GABRB1: variants seen among roughly 807,000 people sequenced by gnomAD.
GABRB1 encodes gamma-aminobutyric acid receptor subunit beta-1.
GABRB1 carries 17 observed loss-of-function variants against 51.6 expected under a neutral mutation model. That is an observed-to-expected ratio of 0.33 (90% confidence interval 0.23 to 0.49). The LOEUF is 0.49. Ranked by LOEUF, GABRB1 falls within the 20% of genes least tolerant of loss-of-function variation. The pLI, the probability that GABRB1 is intolerant of heterozygous loss-of-function variation, is 0.99. For missense variants in GABRB1, 410 were observed against 600.6 expected (o/e 0.68, Z 3.32); for synonymous variants, 247 against 218.9 (o/e 1.13, Z -1.14).
At chr4:47,160,974 G>A (rs1302782886) in intron 3 of GABRB1, among the ~76,000 whole-genome samples, 2 of 151,588 alleles carry the variant, frequency 1.3e-5, no homozygotes, top group Non-Finnish European at 2.9e-5. Context: ...ATTATTTTTT[G>A]TAGAGATGAG....
chr4:47,253,996 C>A (rs1056810187), intron 4 of GABRB1, among the ~76,000 whole-genome samples: 1 of 152,056 alleles, frequency 6.6e-6, no homozygotes, highest in Non-Finnish European at 1.5e-5. Flanking sequence ...GCTAACAATG[C>A]TTAAAAATAA....
At chr4:47,081,409 G>C (rs1239725530) in intron 3 of GABRB1, among the ~76,000 whole-genome samples, 1 of 152,096 alleles carries the variant, frequency 6.6e-6, no homozygotes, top group East Asian at 1.9e-4. Flanking sequence ...ACATAAACTT[G>C]ACACAAATGC....
intron 4 of GABRB1, among the ~76,000 whole-genome samples, chr4:47,241,297 G>A (rs1440125745): frequency 6.6e-6 from 1 of 152,092 alleles, no homozygotes; most frequent in Non-Finnish European, 1.5e-5. Context: ...AATGTTGTAG[G>A]ATGAGACTGG....
At chr4:47,356,752 A>T (rs1009721491) in intron 5 of GABRB1, among the ~76,000 whole-genome samples, 2 of 152,182 alleles carry the variant, frequency 1.3e-5, no homozygotes, top group African/African-American at 4.8e-5. Context: ...CGTAATGTTC[A>T]TTGATAATGC....
intron 4 of GABRB1, among the ~76,000 whole-genome samples, chr4:47,255,801 G>A (rs1283565234): frequency 6.6e-6 from 1 of 152,170 alleles, no homozygotes; most frequent in East Asian, 1.9e-4. Context: ...GTTGATTTGG[G>A]TGCTTCTGGC....
In GABRB1 at chr4:47,115,655, C is replaced by T. The variant is rs1715445781; in HGVS notation, c.241-45594C>T. ...TGAAAGCTCTTCTGCTTTTTTAATA[C>T]ATTGAAAAAAAGTGCATATTTTATA... On this transcript the variant is annotated intron_variant, in intron 3 of 8. Transcript: ENST00000295454. Among the ~76,000 whole-genome samples, 4 of 151,764 alleles carry T rather than the reference C, an allele frequency of 2.6e-5. No individual in the cohort carries two copies. The South Asian group carries it at 8.3e-4, about 32-fold the overall frequency.
chr4:47,183,297 A>G (rs908770366), intron 4 of GABRB1, among the ~76,000 whole-genome samples: 1 of 149,294 alleles, frequency 6.7e-6, no homozygotes, highest in African/African-American at 2.4e-5. Context: ...CTCTTCCACC[A>G]CATATATATG....
At chr4:47,229,642 A>G (rs1379478084) in intron 4 of GABRB1, among the ~76,000 whole-genome samples, 1 of 152,192 alleles carries the variant, frequency 6.6e-6, no homozygotes, top group African/African-American at 2.4e-5. Flanking sequence ...CTGTGACTAA[A>G]TTAATGATTC....
chr4:47,354,976 C>CTTTTTTTTT (rs1553877819), intron 5 of GABRB1, among the ~76,000 whole-genome samples: 9 of 82,472 alleles, frequency 1.1e-4, no homozygotes, highest in African/African-American at 3.5e-4. Context: ...TTCTTTCTTC[C>CTTTTTTTTT]TTTGTTTTTT....
intron 5 of GABRB1, among the ~76,000 whole-genome samples, chr4:47,380,536 T>C (rs1203984797): frequency 6.6e-6 from 1 of 152,204 alleles, no homozygotes; most frequent in Non-Finnish European, 1.5e-5. Flanking sequence ...AGAATTTTTC[T>C]AGTACAATTT....
intron 4 of GABRB1, among the ~76,000 whole-genome samples, chr4:47,204,866 T>C (rs181007533): frequency 4.6e-5 from 7 of 152,290 alleles, no homozygotes; most frequent in African/African-American, 1.7e-4. Context: ...TTTATCTTTA[T>C]CAGCAGTGTG....
chr4:47,286,044 C>A (rs79899247), intron 4 of GABRB1, among the ~76,000 whole-genome samples: 2 of 152,152 alleles, frequency 1.3e-5, no homozygotes, highest in African/African-American at 4.8e-5. Flanking sequence ...GGAAGAGAGA[C>A]AAAAATCCAA....
At chr4:47,300,085 T>C (rs1454758424) in intron 4 of GABRB1, among the ~76,000 whole-genome samples, 1 of 102,042 alleles carries the variant, frequency 9.8e-6, no homozygotes, top group Non-Finnish European at 1.8e-5. Context: ...TTCTGGGGAC[T>C]GTTGTGGGGT....
chr4:47,182,625 C>T (rs1719000020), intron 4 of GABRB1, among the ~76,000 whole-genome samples: 1 of 151,894 alleles, frequency 6.6e-6, no homozygotes, highest in Non-Finnish European at 1.5e-5. Context: ...GCACATAATA[C>T]CAAGGTTGAT....
In GABRB1 at chr4:47,002,310, T is replaced by G. The variant is rs544000599; in HGVS notation, c.-20+8384T>G. ...TGAGTGAGCATATTTGGCAAGTTAA[T>G]AAGCCAAAGAAACAAAGATGCAGAA... On this transcript the variant is annotated intron_variant, in intron 1 of 3. Transcript: ENST00000513567. 1.0e-3 allele frequency among the ~76,000 whole-genome samples: 154 copies of G among 152,342 alleles called. 1 individual carries two copies. Among genetic ancestry groups the G allele is most frequent in the African/African-American group, 3.5e-3 (146 of 41,596 alleles).
intron 5 of GABRB1, among the ~76,000 whole-genome samples, chr4:47,328,133 C>A (rs570594740): frequency 1.1e-4 from 17 of 152,206 alleles, no homozygotes; most frequent in Admixed American, 1.1e-3. Flanking sequence ...CTGTTCATAT[C>A]CTTTGCCCAC....
intron 1 of GABRB1, among the ~76,000 whole-genome samples, chr4:46,997,116 T>A (rs931863894): frequency 1.3e-5 from 2 of 152,152 alleles, no homozygotes; most frequent in African/African-American, 4.8e-5. Context: ...ATTAAAACAG[T>A]GTTTCCACTG....
chr4:47,308,324 T>A (rs1374588111), intron 4 of GABRB1, among the ~76,000 whole-genome samples: 2 of 152,102 alleles, frequency 1.3e-5, no homozygotes, highest in African/African-American at 2.4e-5. Flanking sequence ...TAATCATTGC[T>A]CTAGAAGTAG....
At chr4:47,246,365 T>C (rs1578031022) in intron 4 of GABRB1, among the ~76,000 whole-genome samples, 2 of 43,016 alleles carry the variant, frequency 4.6e-5, no homozygotes, top group African/African-American at 2.5e-4. Context: ...TATATATATA[T>C]ATATATATAT....
Sources: allele counts gnomAD v4.1 joint callset (sites outside exome capture counted in the v4.1 genomes callset), GRCh38; gene constraint gnomAD v4.1.1; transcripts MANE v1.5; gene names NCBI Gene and HGNC (gene_info 2026-07-23, HGNC 2026-07-21).